The following MLLT10 variants were observed in gnomAD, a reference collection of about 807,000 sequenced individuals.
MLLT10 encodes the protein protein AF-10.
In MLLT10, 30 loss-of-function variants were observed where a neutral mutation model predicts 129.1. The observed-to-expected ratio is 0.23, with a 90% CI of 0.17 to 0.32. The LOEUF is 0.32. MLLT10 is among the 10% of genes least tolerant of loss of function. The pLI, the probability that MLLT10 is intolerant of heterozygous loss-of-function variation, is 1.00. For missense variants in MLLT10, 1,119 were observed against 1,268.3 expected (o/e 0.88, Z 1.79); for synonymous variants, 490 against 446.4 (o/e 1.10, Z -1.23).
chr10:21,577,618 CCCA>C (rs1459958121), intron 3 of MLLT10, among the ~76,000 whole-genome samples: 1 of 152,008 alleles, frequency 6.6e-6, no homozygotes, highest in South Asian at 2.1e-4. Context: ...ATTACAGGCA[CCCA>C]CCATCATGCC....
At chr10:21,543,881 A>G (rs1451559999) in intron 3 of MLLT10, among the ~76,000 whole-genome samples, 2 of 152,198 alleles carry the variant, frequency 1.3e-5, no homozygotes, top group South Asian at 2.1e-4. Context: ...CCTAACATGG[A>G]AATGTATTTC....
intron 9 of MLLT10, among the ~76,000 whole-genome samples, chr10:21,652,698 C>T (rs1405598966): frequency 6.6e-6 from 1 of 152,126 alleles, no homozygotes; most frequent in East Asian, 1.9e-4. Flanking sequence ...AAGTGAGCTA[C>T]TGGAGGTTTC....
chr10:21,673,318 C>CCTTGT, intron 10 of MLLT10, 32 bp from the exon 11 acceptor site: 1 of 307,342 alleles, frequency 3.3e-6, no homozygotes, highest in Non-Finnish European at 5.0e-6. Flanking sequence ...CACCCCCCAA[C>CCTTGT]TTTTTTTTTT....
chr10:21,706,546 G>T (rs1290574830), intron 13 of MLLT10, among the ~76,000 whole-genome samples: 1 of 152,122 alleles, frequency 6.6e-6, no homozygotes, highest in Non-Finnish European at 1.5e-5. Flanking sequence ...TGTGGGTTAG[G>T]GATAACTTAC....
At chr10:21,602,984 G>T (rs575869084) in intron 5 of MLLT10, among the ~76,000 whole-genome samples, 1 of 151,568 alleles carries the variant, frequency 6.6e-6, no homozygotes, top group Non-Finnish European at 1.5e-5. Flanking sequence ...CACCTGCCTC[G>T]GCCTCCCAAA....
chr10:21,539,584 C>A (rs1215544327), intron 3 of MLLT10, among the ~76,000 whole-genome samples: 3 of 151,342 alleles, frequency 2.0e-5, no homozygotes, highest in Non-Finnish European at 4.4e-5. Context: ...CCACCCTGGC[C>A]AACATGGTGA....
Position 21,668,035 on chromosome 10 carries a change from C to G in MLLT10, c.796-2414C>G, listed in dbSNP as rs569503757. 1.4e-4 allele frequency among the ~76,000 whole-genome samples: 21 copies of G among 151,952 alleles called. No homozygotes were observed. The South Asian group carries it at 3.3e-3, about 24-fold the overall frequency. ...GTACTTCAGAGACTCTCAGTACAGC[C>G]AAATATCTAGTTTTATCTCCAGTAG... is the stretch of plus-strand genomic sequence containing the variant. On this transcript the variant is annotated intron_variant, in intron 9 of 22. Coordinates refer to ENST00000307729, the MANE Select transcript of MLLT10 (RefSeq NM_001195626.3).
intron 10 of MLLT10, among the ~76,000 whole-genome samples, chr10:21,672,695 C>G (rs947739865): frequency 1.3e-5 from 2 of 152,072 alleles, no homozygotes; most frequent in Non-Finnish European, 2.9e-5. Flanking sequence ...TTATGAAGTT[C>G]CATGAAAATT....
intron 8 of MLLT10, among the ~76,000 whole-genome samples, chr10:21,623,313 A>G (rs1030631999): frequency 6.6e-6 from 1 of 152,202 alleles, no homozygotes; most frequent in Non-Finnish European, 1.5e-5. Flanking sequence ...TCTGGTGATC[A>G]GCGTCTATCC....
chr10:21,585,052 G>A (rs1229187431), intron 3 of MLLT10, among the ~76,000 whole-genome samples: 1 of 151,864 alleles, frequency 6.6e-6, no homozygotes, highest in East Asian at 1.9e-4. Flanking sequence ...TGAGTAGCTG[G>A]TACTACAGGT....
intron 3 of MLLT10, among the ~76,000 whole-genome samples, chr10:21,562,130 T>C (rs2038896862): frequency 6.6e-6 from 1 of 152,064 alleles, no homozygotes; most frequent in Admixed American, 6.6e-5. Context: ...ACTGTAGCTT[T>C]GTAGTAAGTT....
intron 13 of MLLT10, chr10:21,708,586 A>G (rs2055766454): frequency 2.0e-6 from 2 of 985,228 alleles, no homozygotes; most frequent in South Asian, 4.7e-5. Context: ...TTTTTTTACC[A>G]GTAAACTGAG....
rs1049671865 is a variant in MLLT10 at position 21,626,927 on chromosome 10, A to G, written c.699+9720A>G. The stretch of plus-strand genomic sequence containing the variant: ...GTGAGGGTGTGTTGGGTGAGACTGA[A>G]GAGTATGGTAACATGAGACTAGCTA... On this transcript the variant is annotated intron_variant, in intron 8 of 22. Coordinates refer to ENST00000307729, the MANE Select transcript of MLLT10 (RefSeq NM_001195626.3). 3.3e-5 allele frequency among the ~76,000 whole-genome samples: 5 copies of G among 152,284 alleles called. No individual in the cohort carries two copies. In the East Asian group the frequency reaches 9.7e-4, roughly 29 times the overall value.
chr10:21,738,787 C>T (rs2058593116), intron 21 of MLLT10, among the ~76,000 whole-genome samples: 1 of 152,138 alleles, frequency 6.6e-6, no homozygotes, highest in African/African-American at 2.4e-5. Context: ...GTCTTACTAC[C>T]TAACTGGTCA....
At chr10:21,589,886 C>T (rs1466743001) in intron 4 of MLLT10, among the ~76,000 whole-genome samples, 1 of 147,796 alleles carries the variant, frequency 6.8e-6, no homozygotes, top group Non-Finnish European at 1.5e-5. Flanking sequence ...TTCCTTTTCC[C>T]CCTTTCCTTT....
At chr10:21,665,780 G>A (rs1439786969) in intron 9 of MLLT10, among the ~76,000 whole-genome samples, 1 of 152,012 alleles carries the variant, frequency 6.6e-6, no homozygotes, top group Non-Finnish European at 1.5e-5. Context: ...CCAGGCTGGA[G>A]TGCAGTGGCT....
rs530335815 is a variant in MLLT10, at chr10:21,689,638, C to T, written c.1699+7381C>T. Among the ~76,000 whole-genome samples the T allele has an allele frequency of 2.4e-4, 31 of 131,412 alleles. No individual in the cohort carries two copies. In the East Asian group the frequency reaches 5.7e-3, roughly 24 times the overall value. The allele number at this position is 131,412 out of a possible 152,430, so 86.2% of individuals were successfully genotyped here. A position where few individuals can be genotyped will look rare whatever the true frequency, so the allele number is the denominator to read the frequency against. ...ATATATACACACACACACACACACA[C>T]ATTTATATATATATATATATATATT... On this transcript the variant is annotated intron_variant, in intron 13 of 22. Coordinates refer to ENST00000307729, the MANE Select transcript of MLLT10 (RefSeq NM_001195626.3).
chr10:21,610,908 A>C (rs1344231252), intron 5 of MLLT10, among the ~76,000 whole-genome samples: 4 of 144,750 alleles, frequency 2.8e-5, no homozygotes, highest in Admixed American at 1.4e-4. Context: ...GTTATTTGGG[A>C]TTTTACTTTT....
At chr10:21,635,093 C>G (rs2047338893) in intron 8 of MLLT10, among the ~76,000 whole-genome samples, 1 of 152,316 alleles carries the variant, frequency 6.6e-6, no homozygotes, top group South Asian at 2.1e-4. Flanking sequence ...GTCCTTCTTA[C>G]TGTGTACCCC....
Sources: gnomAD v4.1 joint callset for allele counts (sites outside exome capture counted in the v4.1 genomes callset) on GRCh38, gnomAD v4.1.1 for gene constraint, MANE v1.5 for transcripts, NCBI Gene and HGNC (gene_info 2026-07-23, HGNC 2026-07-21) for gene names.